The following UNC93A variants were observed in gnomAD, a reference collection of about 807,000 sequenced individuals.
UNC93A encodes the protein N-acetylglucosamine transporter UNC93A.
In UNC93A, 43 loss-of-function variants were observed where a neutral mutation model predicts 47.5. That is an observed-to-expected ratio of 0.91 (90% CI 0.71 to 1.17). UNC93A has a LOEUF of 1.17. UNC93A is among the 50% of genes most tolerant of loss of function. The pLI, the probability that UNC93A is intolerant of heterozygous loss-of-function variation, is 0.00. For synonymous variants in UNC93A, 280 were observed against 258.0 expected, an observed-to-expected ratio of 1.09 and a Z score of -0.82; for missense variants, 605 against 577.6, an observed-to-expected ratio of 1.05 and a Z score of -0.49.
chr6:167,281,538 C>T (rs568834849), intron 1 of UNC93A, among the ~76,000 whole-genome samples: 2 of 152,216 alleles, frequency 1.3e-5, no homozygotes, highest in South Asian at 4.1e-4. Context: ...TTTAGATGCA[C>T]GTGGGGAGGA....
intron 1 of UNC93A, among the ~76,000 whole-genome samples, chr6:167,275,363 A>T (rs1783522108): frequency 6.6e-6 from 1 of 152,196 alleles, no homozygotes; most frequent in Non-Finnish European, 1.5e-5. Flanking sequence ...GTTGGAATAC[A>T]GGTCAGTCCT....
intron 1 of UNC93A, among the ~76,000 whole-genome samples, chr6:167,285,908 A>C (rs1455978097): frequency 1.3e-5 from 2 of 149,868 alleles, no homozygotes; most frequent in East Asian, 4.0e-4. Context: ...CCTCCCACCA[A>C]TTCTATGTCC....
Position 167,307,456 on chromosome 6 carries a change from C to CGGTTCCAGAGGATGGTTGAGAT in UNC93A, c.977-311_977-310insTGGTTGAGATGGTTCCAGAGGA, listed in dbSNP as rs1554242015. Among the ~76,000 whole-genome samples the CGGTTCCAGAGGATGGTTGAGAT allele has an allele frequency of 8.6e-4, 130 of 150,460 alleles. No individual in the cohort carries two copies. The Middle Eastern group carries it at 0.01, about 12-fold the overall frequency. The stretch of plus-strand genomic sequence containing the variant: ...AGATGGTTGAGACAGTTCCAGAGGA[C>CGGTTCCAGAGGATGGTTGAGAT]GGTTCCAGAGGACGGTTGAGATGGT... On this transcript the variant is annotated intron_variant, in intron 6 of 7. Transcript: ENST00000230256.
At chr6:167,284,463 G>A (rs983351122) in intron 1 of UNC93A, among the ~76,000 whole-genome samples, 43 of 152,258 alleles carry the variant, frequency 2.8e-4, no homozygotes, top group Non-Finnish European at 5.3e-4. Context: ...CCGAACATCC[G>A]GGCTGGGGAG....
At chr6:167,289,711 G>A (rs1783808303), upstream of UNC93A, among the ~76,000 whole-genome samples, 1 of 151,606 alleles carries the variant, frequency 6.6e-6, no homozygotes, top group South Asian at 2.1e-4. Flanking sequence ...AAGACCAGCA[G>A]ACAGTGCAAT....
chr6:167,279,542 G>T (rs1783598048), intron 1 of UNC93A, among the ~76,000 whole-genome samples: 1 of 152,128 alleles, frequency 6.6e-6, no homozygotes, highest in Non-Finnish European at 1.5e-5. Flanking sequence ...ATAGTATATA[G>T]ATATAAAGTA....
intron 2 of UNC93A, among the ~76,000 whole-genome samples, chr6:167,295,636 T>TCCCTC (rs1778054791): frequency 8.9e-6 from 1 of 112,712 alleles, no homozygotes; most frequent in Non-Finnish European, 1.7e-5. Flanking sequence ...GCTCCTCGCC[T>TCCCTC]GCCTCGTGCT....
exon 1 of UNC93A, chr6:167,271,295 G>A (rs415339): frequency 7.4e-6 from 1 of 134,694 alleles, no homozygotes; most frequent in Non-Finnish European, 1.7e-5. Flanking sequence ...GCTGTGCAGA[G>A]TTTAGCAAGG....
intron 1 of UNC93A, among the ~76,000 whole-genome samples, chr6:167,292,108 G>A (rs142053941): frequency 1.1e-4 from 16 of 152,256 alleles, no homozygotes; most frequent in East Asian, 7.7e-4. Flanking sequence ...GGCATTCTCC[G>A]AAAGGCTGCA....
At chr6:167,306,688 G>A (rs1731200326) in intron 6 of UNC93A, among the ~76,000 whole-genome samples, 1 of 152,250 alleles carries the variant, frequency 6.6e-6, no homozygotes, top group Admixed American at 6.5e-5. Context: ...GGAGCCTGGA[G>A]GCTCTGCCTG....
Position 167,274,409 on chromosome 6 carries a change from G to C in UNC93A, c.-52+2951G>C, listed in dbSNP as rs1783504460. On this transcript the variant is annotated intron_variant, in intron 1 of 3. Coordinates refer to the UNC93A transcript ENST00000503433. Reference sequence around the variant, plus strand: ...CTCCTGCCTAAAGGGTTCTAGATGTGTGTAGTGATACAGCTGGGATGGTTA... The same window carrying C: ...CTCCTGCCTAAAGGGTTCTAGATGTCTGTAGTGATACAGCTGGGATGGTTA... Among the ~76,000 whole-genome samples the C allele has an allele frequency of 2.0e-5, 3 of 152,170 alleles. No homozygotes were observed. The South Asian group carries it at 6.2e-4, about 31-fold the overall frequency.
chr6:167,304,565 TTTC>T (rs896559931), intron 5 of UNC93A, among the ~76,000 whole-genome samples: 4 of 151,502 alleles, frequency 2.6e-5, no homozygotes, highest in Non-Finnish European at 5.9e-5. Flanking sequence ...AGTTTTTTTT[TTTC>T]TTTCTTTTTT....
chr6:167,314,252 G>A (rs981486986), intron 7 of UNC93A, among the ~76,000 whole-genome samples: 1 of 152,120 alleles, frequency 6.6e-6, no homozygotes, highest in Non-Finnish European at 1.5e-5. Flanking sequence ...GCTGAACCAG[G>A]TGCCATGGAG....
In UNC93A at chr6:167,291,534, C is replaced by T. The variant is rs778113133; in HGVS notation, c.45C>T (p.Phe15=). Residue 15 remains phenylalanine (F), a synonymous_variant, in exon 1 of 8, where the codon TTC becomes TTT. Coordinates refer to ENST00000230256, the MANE Select transcript of UNC93A (RefSeq NM_018974.4). ...LRNVLVVSFG[F]LLLFTAYGGL... Reference sequence around the variant, plus strand: ...ACGTCCTTGTGGTTTCCTTTGGGTTCCTGCTTCTCTTTACAGCCTATGGAG... The same window carrying T: ...ACGTCCTTGTGGTTTCCTTTGGGTTTCTGCTTCTCTTTACAGCCTATGGAG... 35 of 1,613,694 alleles carry T rather than the reference C, an allele frequency of 2.2e-5. No individual in the cohort carries two copies. The highest frequency in any genetic ancestry group is 2.8e-5 in the Non-Finnish European group (33 of 1,179,902).
chr6:167,314,685 CT>C (rs150188730), intron 7 of UNC93A, among the ~76,000 whole-genome samples: 15,656 of 152,206 alleles, frequency 0.1, 1,016 homozygotes, highest in African/African-American at 0.19. Flanking sequence ...TGATTGTTTC[CT>C]TTGAAGAGGC....
At chr6:167,298,955 A>G (rs575800189) in intron 4 of UNC93A, among the ~76,000 whole-genome samples, 4 of 151,942 alleles carry the variant, frequency 2.6e-5, no homozygotes, top group Admixed American at 2.0e-4. Context: ...TTGCACTAAA[A>G]ATACAAAAAT....
At chr6:167,302,073 C>A (rs1223955725) in intron 4 of UNC93A, among the ~76,000 whole-genome samples, 1 of 152,110 alleles carries the variant, frequency 6.6e-6, no homozygotes, top group African/African-American at 2.4e-5. Context: ...TGGAAAGTAG[C>A]CAGATAACGG....
At position 167,277,699 on chromosome 6, in the gene UNC93A, CTG is replaced by C. The variant is rs1783566836; in HGVS notation, c.-52+6245_-52+6246del. 6.6e-5 allele frequency among the ~76,000 whole-genome samples: 10 copies of C among 152,024 alleles called. No homozygotes were observed. The South Asian group carries it at 2.1e-3, about 32-fold the overall frequency. On this transcript the variant is annotated intron_variant, in intron 1 of 3. Transcript: ENST00000503433. ...TTTCTCTTTCTGTCTCTCTCTGTCT[CTG>C]TGTCTCTGGCTATCTGTCTCTGTCT...
intron 1 of UNC93A, among the ~76,000 whole-genome samples, chr6:167,279,517 A>G (rs1783597673): frequency 6.6e-6 from 1 of 152,218 alleles, no homozygotes; most frequent in African/African-American, 2.4e-5. Flanking sequence ...CCTTTTTCTG[A>G]AAATTATCTT....
Sources: allele counts gnomAD v4.1 joint callset (sites outside exome capture counted in the v4.1 genomes callset), GRCh38; gene constraint gnomAD v4.1.1; transcripts MANE v1.5; gene names NCBI Gene and HGNC (gene_info 2026-07-23, HGNC 2026-07-21).